The following PCYT1B variants were observed in gnomAD, a reference collection of about 807,000 sequenced individuals.
PCYT1B encodes the protein choline-phosphate cytidylyltransferase B.
Under a neutral mutation model 26.4 loss-of-function variants are expected in PCYT1B, and 10 were observed. That is an observed-to-expected ratio of 0.38 (90% CI 0.23 to 0.64). The LOEUF (loss-of-function observed/expected upper bound fraction) is 0.64, where lower values mean the gene tolerates loss of function less well. Among genes scored for constraint, PCYT1B ranks in the 30% least tolerant of loss-of-function variants. The pLI is 0.56. For missense variants in PCYT1B, 161 were observed against 292.7 expected (o/e 0.55, Z 3.28); for synonymous variants, 131 against 108.4 (o/e 1.21, Z -1.29).
chrX:24,637,509 T>TATATATATATAAAA (rs779316769), intron 1 of PCYT1B, among the ~76,000 whole-genome samples: 3 of 64,070 alleles, frequency 4.7e-5, no homozygotes, highest in East Asian at 9.9e-4. Flanking sequence ...TATATATATA[T>TATATATATATAAAA]ATAAATTAGC....
chrX:24,638,259 G>A (rs1054550276), intron 1 of PCYT1B, among the ~76,000 whole-genome samples: 5 of 111,571 alleles, frequency 4.5e-5, no homozygotes, highest in African/African-American at 6.5e-5. Context: ...GGCTAGCCCC[G>A]TGTGGCCCTG....
chrX:24,629,735 G>A (rs1926006661), intron 1 of PCYT1B, among the ~76,000 whole-genome samples: 1 of 109,622 alleles, frequency 9.1e-6, no homozygotes, highest in Non-Finnish European at 1.9e-5. Flanking sequence ...TTTTTATTAT[G>A]CCCTGGAGAT....
chrX:24,617,367 G>GTT (rs1204801131), intron 2 of PCYT1B, among the ~76,000 whole-genome samples: 1 of 44,829 alleles, frequency 2.2e-5, no homozygotes, highest in African/African-American at 1.1e-4. Context: ...AGTTTGGTTT[G>GTT]TTTGTTTTTT....
chrX:24,651,532 T>C (rs1926781951), upstream of PCYT1B, among the ~76,000 whole-genome samples: 1 of 90,629 alleles, frequency 1.1e-5, no homozygotes. Context: ...TGAGCATATA[T>C]TATTCTTTTT....
rs144595203 is a variant in PCYT1B, at chrX:24,623,258, A to G, written c.118-4174T>C. Among the ~76,000 whole-genome samples the G allele has an allele frequency of 1.6e-4, 17 of 109,064 alleles. No homozygotes were observed. In the East Asian group the frequency reaches 4.8e-3, roughly 31 times the overall value. 94.7% of individuals were successfully genotyped at this position (109,064 alleles called of 115,157 possible). On this transcript the variant is annotated intron_variant, in intron 1 of 7. Coordinates refer to ENST00000379144, the MANE Select transcript of PCYT1B (RefSeq NM_004845.5). Reference sequence around the variant, plus strand: ...AACCACTACTCTTTTGAGCATGAAAATCATAGAAACTAAGCTTCTGAACTT... The same window carrying G: ...AACCACTACTCTTTTGAGCATGAAAGTCATAGAAACTAAGCTTCTGAACTT...
At chrX:24,642,206 T>G (rs1926485873) in intron 1 of PCYT1B, among the ~76,000 whole-genome samples, 2 of 112,470 alleles carry the variant, frequency 1.8e-5, no homozygotes, top group Admixed American at 9.4e-5. Context: ...ATTCACTTCT[T>G]TTATTTCTCT....
intron 3 of PCYT1B, among the ~76,000 whole-genome samples, chrX:24,604,912 T>G (rs1925077244): frequency 8.9e-6 from 1 of 111,905 alleles, no homozygotes. Context: ...AGGGAATATC[T>G]GAAATTCTGT....
At chrX:24,670,101 A>G (rs79145638) in intron 1 of PCYT1B, among the ~76,000 whole-genome samples, 413 of 40,348 alleles carry the variant, frequency 0.01, no homozygotes, top group East Asian at 0.017. Flanking sequence ...AGAAAGAAAG[A>G]AAGAAAGAAA....
intron 1 of PCYT1B, among the ~76,000 whole-genome samples, chrX:24,670,551 C>T (rs753540708): frequency 1.8e-5 from 2 of 111,450 alleles, no homozygotes; most frequent in African/African-American, 6.5e-5. Flanking sequence ...CACTGAGAAC[C>T]GAAAAGCATG....
chrX:24,597,001 T>C (rs1924803486), intron 3 of PCYT1B, among the ~76,000 whole-genome samples: 1 of 111,951 alleles, frequency 8.9e-6, no homozygotes, highest in South Asian at 3.7e-4. Flanking sequence ...CTTTCCTCAG[T>C]ATAGAATTGT....
chrX:24,585,600 C>G (rs1924345847), intron 5 of PCYT1B, among the ~76,000 whole-genome samples: 1 of 110,798 alleles, frequency 9.0e-6, no homozygotes, highest in African/African-American at 3.3e-5. Flanking sequence ...CCACAGGGGT[C>G]TGGTAAGTGG....
intron 1 of PCYT1B, among the ~76,000 whole-genome samples, chrX:24,628,243 G>A (rs926001260): frequency 1.8e-5 from 2 of 111,330 alleles, no homozygotes; most frequent in Non-Finnish European, 1.9e-5. Flanking sequence ...TTTAAGCTCC[G>A]TCTCTCCCTG....
intron 1 of PCYT1B, among the ~76,000 whole-genome samples, chrX:24,634,695 A>G (rs1181502596): frequency 1.8e-5 from 2 of 111,801 alleles, no homozygotes; most frequent in Non-Finnish European, 3.8e-5. Flanking sequence ...GTACTGAGCC[A>G]AGATCACGCC....
At chrX:24,671,154 G>T (rs181105033) in intron 1 of PCYT1B, among the ~76,000 whole-genome samples, 1 of 110,328 alleles carries the variant, frequency 9.1e-6, no homozygotes, top group African/African-American at 3.3e-5. Context: ...ATTTTTAGTC[G>T]CGAGGGGGTT....
At chrX:24,579,200 A>AAGT in intron 6 of PCYT1B, 116 bp downstream of exon 6, 1 of 499,822 alleles carries the variant, frequency 2.0e-6, no homozygotes, top group Non-Finnish European at 3.0e-6. Context: ...AAAAAAAAAA[A>AAGT]GAGAGAGAGA....
intron 1 of PCYT1B, among the ~76,000 whole-genome samples, chrX:24,653,393 A>G (rs772228567): frequency 9.0e-6 from 1 of 111,221 alleles, no homozygotes; most frequent in South Asian, 3.8e-4. Flanking sequence ...CAACACCACC[A>G]TTAAGTCAGA....
chrX:24,621,540 G>A (rs1925701244), intron 1 of PCYT1B, among the ~76,000 whole-genome samples: 2 of 110,571 alleles, frequency 1.8e-5, no homozygotes, highest in African/African-American at 3.3e-5. Flanking sequence ...GCAGTGGTGC[G>A]ATCTCACCTC....
At position 24,637,509 on chromosome X, in the gene PCYT1B, T is replaced by TATATATATATAA. The variant is rs779316769; in HGVS notation, c.117+9479_117+9480insTTATATATATAT. ...AAAAAAAAATATATATATATATATA[T>TATATATATATAA]ATAAATTAGCTGAGCGTGGTGGCGT... On this transcript the variant is annotated intron_variant, in intron 1 of 7. Coordinates refer to ENST00000379144, the MANE Select transcript of PCYT1B (RefSeq NM_004845.5). Among the ~76,000 whole-genome samples the TATATATATATAA allele has an allele frequency of 1.9e-3, 121 of 64,054 alleles. 16 individuals carry two copies. The highest frequency in any genetic ancestry group is 9.9e-3 in the African/African-American group (100 of 10,137). The allele number at this position is 64,054 out of a possible 115,157, so 55.6% of individuals were successfully genotyped here.
In PCYT1B at chrX:24,668,130, T is replaced by C. The variant is rs747731383; in HGVS notation, c.63+4440A>G. 7.1e-5 allele frequency among the ~76,000 whole-genome samples: 8 copies of C among 112,501 alleles called. No homozygotes were observed. The East Asian group carries it at 2.2e-3, about 31-fold the overall frequency. ...AACATTCTCTCTTCTCTCCTATTTATTACCTAGAACCAGCATGGGACCTGG... is the reference window on the plus strand; with the variant it reads ...AACATTCTCTCTTCTCTCCTATTTACTACCTAGAACCAGCATGGGACCTGG... On this transcript the variant is annotated intron_variant, in intron 1 of 7. Transcript: ENST00000379145.
Sources: allele counts gnomAD v4.1 joint callset (sites outside exome capture counted in the v4.1 genomes callset), GRCh38; gene constraint gnomAD v4.1.1; transcripts MANE v1.5; gene names NCBI Gene and HGNC (gene_info 2026-07-23, HGNC 2026-07-21).